The following EPS15 variants were observed in gnomAD, a reference collection of about 807,000 sequenced individuals.
The protein encoded by EPS15 is epidermal growth factor receptor substrate 15.
A neutral mutation model predicts 113.8 loss-of-function variants in EPS15; 72 were observed. The observed-to-expected ratio is 0.63, with a 90% CI of 0.52 to 0.77. The LOEUF (loss-of-function observed/expected upper bound fraction) is 0.77, where lower values mean the gene tolerates loss of function less well. EPS15 is among the 30% of genes least tolerant of loss of function. The probability of loss-of-function intolerance (pLI) is 0.00; values close to 1 mark genes in which losing one functional copy is unlikely to be tolerated. For synonymous variants in EPS15, 344 were observed against 363.4 expected (o/e 0.95, Z 0.61); for missense variants, 1,048 against 1,045.8 (o/e 1.00, Z -0.03).
intron 21 of EPS15, among the ~76,000 whole-genome samples, chr1:51,375,396 GT>G (rs1315573133): frequency 6.6e-6 from 1 of 152,162 alleles, no homozygotes; most frequent in Non-Finnish European, 1.5e-5. Context: ...TTACTGGCAT[GT>G]TTTTATTTAT....
chr1:51,490,963 G>A (rs1216833066), intron 1 of EPS15, among the ~76,000 whole-genome samples: 17 of 152,122 alleles, frequency 1.1e-4, no homozygotes, highest in African/African-American at 4.1e-4. Context: ...ATTGGATGAA[G>A]GGTGCATAGA....
chr1:51,415,413 T>C (rs1241591278), intron 13 of EPS15, among the ~76,000 whole-genome samples: 1 of 152,170 alleles, frequency 6.6e-6, no homozygotes, highest in African/African-American at 2.4e-5. Context: ...CTAACATTAA[T>C]GAGAAACTTC....
At chr1:51,435,499 T>C (rs970280152) in intron 12 of EPS15, among the ~76,000 whole-genome samples, 2 of 152,214 alleles carry the variant, frequency 1.3e-5, no homozygotes, top group African/African-American at 4.8e-5. Context: ...CGGCCTAAAA[T>C]CCTTTCCTAT....
intron 12 of EPS15, 129 bp downstream of exon 12, chr1:51,440,218 T>C (rs1052780008): frequency 4.8e-6 from 2 of 412,916 alleles, no homozygotes; most frequent in Non-Finnish European, 8.7e-6. Flanking sequence ...TTTATCAAAA[T>C]ATACATTAGA....
chr1:51,439,768 G>C (rs550425061), intron 12 of EPS15, among the ~76,000 whole-genome samples: 34 of 152,122 alleles, frequency 2.2e-4, no homozygotes, highest in African/African-American at 7.9e-4. Context: ...TGACAAGCTT[G>C]TATCATTTTG....
intron 2 of EPS15, among the ~76,000 whole-genome samples, chr1:51,475,868 G>A (rs1655639731): frequency 6.6e-6 from 1 of 152,124 alleles, no homozygotes; most frequent in Admixed American, 6.5e-5. Flanking sequence ...GAAGGTGTAA[G>A]GAACGGATCC....
At chr1:51,409,069 A>G (rs2148430230) in intron 14 of EPS15, among the ~76,000 whole-genome samples, 1 of 152,250 alleles carries the variant, frequency 6.6e-6, no homozygotes, top group African/African-American at 2.4e-5. Flanking sequence ...TAAAGGCGTG[A>G]GCCACTGCAC....
intron 1 of EPS15, among the ~76,000 whole-genome samples, chr1:51,502,458 A>C (rs934390781): frequency 2.0e-5 from 3 of 152,220 alleles, no homozygotes; most frequent in African/African-American, 7.2e-5. Context: ...CACTCTTGCC[A>C]CTTCTAATCA....
intron 21 of EPS15, among the ~76,000 whole-genome samples, chr1:51,385,976 A>G (rs1198715268): frequency 6.6e-6 from 1 of 152,214 alleles, no homozygotes; most frequent in Non-Finnish European, 1.5e-5. Context: ...TTGCACAACA[A>G]TGTGAATGTA....
rs753110155 is a variant in EPS15, at chr1:51,461,112, A to G, written c.540T>C (p.Leu180=). Residue 180 remains leucine (L), a synonymous_variant, in exon 8 of 25, where the codon CTT becomes CTC. Coordinates refer to ENST00000371733, the MANE Select transcript of EPS15 (RefSeq NM_001981.3). ...TTACAACTGCAAACTCATCTCTGTC[A>G]AGCATTCCATCATGGTCAATATCAC... ...ELSDIDHDGM[L]DRDEFAVAMF... is the part of the protein sequence containing the mutation. 1 of 1,603,600 alleles carries G rather than the reference A, an allele frequency of 6.2e-7. No homozygotes were observed. The highest frequency in any genetic ancestry group is 8.5e-7 in the Non-Finnish European group (1 of 1,170,410).
At chr1:51,481,422 T>C (rs1277598665) in intron 1 of EPS15, 108 bp from the exon 2 acceptor site, 1 of 658,246 alleles carries the variant, frequency 1.5e-6, no homozygotes, top group Non-Finnish European at 2.7e-6. Flanking sequence ...TAAGATAAAA[T>C]ATCCTTGATT....
chr1:51,426,419 A>AT (rs768009838), intron 12 of EPS15, among the ~76,000 whole-genome samples: 7 of 147,480 alleles, frequency 4.7e-5, no homozygotes, highest in Middle Eastern at 3.4e-3. Flanking sequence ...TTTGGAACTG[A>AT]TAAAAAGCTA....
intron 12 of EPS15, among the ~76,000 whole-genome samples, chr1:51,435,432 G>T (rs1162013300): frequency 6.6e-6 from 1 of 152,134 alleles, no homozygotes; most frequent in South Asian, 2.1e-4. Context: ...GACCTCAGGT[G>T]ATCCACACGC....
intron 1 of EPS15, among the ~76,000 whole-genome samples, chr1:51,499,741 T>C (rs1347231734): frequency 6.6e-6 from 1 of 152,144 alleles, no homozygotes; most frequent in Non-Finnish European, 1.5e-5. Context: ...TTGCATATCT[T>C]CTTTAGAGAA....
intron 21 of EPS15, among the ~76,000 whole-genome samples, chr1:51,381,053 C>T (rs544964123): frequency 5.5e-4 from 84 of 152,288 alleles, no homozygotes; most frequent in African/African-American, 1.9e-3. Flanking sequence ...ACTGACAGAA[C>T]TGAAGGGAGA....
chr1:51,509,497 T>C (rs1644580990), intron 1 of EPS15, among the ~76,000 whole-genome samples: 1 of 152,208 alleles, frequency 6.6e-6, no homozygotes, highest in African/African-American at 2.4e-5. Context: ...GGATCAGAAA[T>C]CATTACAGCT....
intron 24 of EPS15, 120 bp from the exon 25 acceptor site, chr1:51,356,966 G>C: frequency 1.4e-6 from 1 of 731,266 alleles, no homozygotes; most frequent in South Asian, 2.1e-5. Context: ...CTGGTTACTT[G>C]TTAATTCTTT....
At chr1:51,444,486 C>T (rs906697239) in intron 11 of EPS15, among the ~76,000 whole-genome samples, 1 of 152,158 alleles carries the variant, frequency 6.6e-6, no homozygotes, top group Non-Finnish European at 1.5e-5. Context: ...ACCAAGCAAC[C>T]ATCATATGCA....
At chr1:51,374,996 CTTTTTTTTTTT>C (rs761941054) in intron 21 of EPS15, among the ~76,000 whole-genome samples, 6 of 108,772 alleles carry the variant, frequency 5.5e-5, no homozygotes, top group African/African-American at 1.5e-4. Flanking sequence ...TAATATACTT[CTTTTTTTTTTT>C]TTTTTTTTTT....
Sources: allele counts gnomAD v4.1 joint callset (sites outside exome capture counted in the v4.1 genomes callset), GRCh38; gene constraint gnomAD v4.1.1; transcripts MANE v1.5; gene names NCBI Gene and HGNC (gene_info 2026-07-23, HGNC 2026-07-21).